Variants in SHLD2 observed in about 807,000 individuals in gnomAD.
The protein encoded by SHLD2 is RINN1-REV7-interacting novel NHEJ regulator 2.
Under a neutral mutation model 73.2 loss-of-function variants are expected in SHLD2, and 30 were observed. The ratio of observed to expected loss-of-function variants is 0.41; its 90% CI spans 0.31 to 0.56. The LOEUF (loss-of-function observed/expected upper bound fraction) is 0.56. Among genes scored for constraint, SHLD2 ranks in the 20% least tolerant of loss-of-function variants. SHLD2 has a pLI of 0.28. For missense variants in SHLD2, 745 were observed against 1,055.9 expected (o/e 0.71, Z 4.08); for synonymous variants, 285 against 370.1 (o/e 0.77, Z 2.64).
chr10:87,180,344 T>A (rs1351394968), intron 8 of SHLD2, 41 bp downstream of exon 8: 1 of 1,586,502 alleles, frequency 6.3e-7, no homozygotes, highest in African/African-American at 1.3e-5. Flanking sequence ...AAAATAATTA[T>A]TATAGATCTG....
At chr10:87,169,627 G>A (rs561361255) in intron 4 of SHLD2, among the ~76,000 whole-genome samples, 1 of 151,340 alleles carries the variant, frequency 6.6e-6, no homozygotes, top group Non-Finnish European at 1.5e-5. Flanking sequence ...ATCTTATTTT[G>A]GTCAGCAATC....
chr10:87,183,704 A>T (rs896873685), intron 8 of SHLD2, among the ~76,000 whole-genome samples: 2 of 152,098 alleles, frequency 1.3e-5, no homozygotes, highest in African/African-American at 4.8e-5. Flanking sequence ...GCTTTTGTCA[A>T]AGTTACACTT....
chr10:87,163,885 A>C (rs1354789526), intron 4 of SHLD2, among the ~76,000 whole-genome samples: 2 of 151,054 alleles, frequency 1.3e-5, no homozygotes, highest in Admixed American at 6.6e-5. Context: ...AGATGCAGTT[A>C]CTCCCCAGTA....
intron 2 of SHLD2, among the ~76,000 whole-genome samples, chr10:87,106,833 C>T (rs752978946): frequency 4.6e-5 from 7 of 152,066 alleles, no homozygotes; most frequent in African/African-American, 1.7e-4. Context: ...TTAGAAGTTT[C>T]GTTGTCCTAC....
rs1847559236 is a variant in SHLD2, at chr10:87,170,979, A to G, written c.1963+5A>G. On this transcript the variant is annotated splice_donor_5th_base_variant and intron_variant, in intron 6 of 9. Transcript: ENST00000298786. ...CTCAACTTCAAAGGAAAAAAGGTAA[A>G]TACACCAAAAAGCATTTAACCTATT... 7.3e-7 allele frequency: 1 copy of G among 1,373,138 alleles called. No individual in the cohort carries two copies. Among genetic ancestry groups the G allele is most frequent in the Non-Finnish European group, 1.0e-6 (1 of 974,380 alleles). The allele number at this position is 1,373,138 out of a possible 1,614,324, so 85.1% of individuals were successfully genotyped here.
chr10:87,158,217 A>G (rs4933430), intron 4 of SHLD2, 62 bp downstream of exon 4: 1,064,762 of 1,516,530 alleles, frequency 0.7, 380,898 homozygotes, highest in Middle Eastern at 0.84. Flanking sequence ...ATACTAGGAA[A>G]GATTAGGGTT....
At chr10:87,184,574 T>C (rs3129423) in intron 8 of SHLD2, among the ~76,000 whole-genome samples, 85,422 of 151,712 alleles carry the variant, frequency 0.56, 24,797 homozygotes, top group Middle Eastern at 0.66. Context: ...CTTTATTCTC[T>C]ACCCATTGGC....
rs766648156 is a variant in SHLD2 at position 87,170,640 on chromosome 10, T to G, written c.1796T>G (p.Val599Gly). ...CAACCTGATGTATTAGTCCACGCAG[T>G]ACTAAGAGTTGTTGATTTCACTATA... ...HLQPDVLVHA[V>G]LRVVDFTILT... The change falls in exon 5 of 10, where the codon GTA becomes GGA. Residue 599 changes from valine to glycine, a missense_variant. By Grantham distance (109) the Val-to-Gly change is moderately radical (BLOSUM62 -3). This residue lies in a region of SHLD2 where 418 missense variants were observed against 567.8 expected (regional missense o/e 0.74). Coordinates refer to ENST00000298786, the MANE Select transcript of SHLD2 (RefSeq NM_001330112.2). 4 of 1,608,784 alleles carry G rather than the reference T, an allele frequency of 2.5e-6. No homozygotes were observed. In the South Asian group the frequency reaches 3.4e-5, roughly 13 times the overall value.
At chr10:87,136,905 A>G (rs1844837607) in intron 2 of SHLD2, among the ~76,000 whole-genome samples, 1 of 152,260 alleles carries the variant, frequency 6.6e-6, no homozygotes. Flanking sequence ...GAAGCCAGTG[A>G]TTAACTGTCA....
intron 9 of SHLD2, among the ~76,000 whole-genome samples, chr10:87,188,261 G>A (rs964765967): frequency 2.0e-5 from 3 of 152,158 alleles, no homozygotes; most frequent in African/African-American, 2.4e-5. Flanking sequence ...TGGGTCTTGT[G>A]TGGTCCTGGC....
Position 87,147,870 on chromosome 10 carries a change from C to CTT in SHLD2, c.-5-3466_-5-3465dup, listed in dbSNP as rs1187680597. ...TTTAATCCTGTAGTAGCTCCTATCA[C>CTT]TTTTTTTTTTTTTTTGAGACAGAGT... On this transcript the variant is annotated intron_variant, in intron 2 of 9. Transcript: ENST00000298786. Among the ~76,000 whole-genome samples the CTT allele has an allele frequency of 4.9e-5, 7 of 143,674 alleles. No individual in the cohort carries two copies. The East Asian group carries it at 1.0e-3, about 21-fold the overall frequency. The allele number at this position is 143,674 out of a possible 152,430, so 94.3% of individuals were successfully genotyped here.
intron 9 of SHLD2, among the ~76,000 whole-genome samples, chr10:87,189,189 T>A (rs554975073): frequency 3.9e-5 from 6 of 152,254 alleles, no homozygotes; most frequent in Non-Finnish European, 7.4e-5. Flanking sequence ...TTAGTAGATA[T>A]GGGGTTTCTC....
At chr10:87,173,737 G>T (rs1277488820) in intron 6 of SHLD2, among the ~76,000 whole-genome samples, 1 of 150,410 alleles carries the variant, frequency 6.6e-6, no homozygotes, top group African/African-American at 2.4e-5. Context: ...AAATTGAAAG[G>T]CAACCAAAAA....
At chr10:87,145,102 G>A (rs1271658821) in intron 2 of SHLD2, among the ~76,000 whole-genome samples, 2 of 146,336 alleles carry the variant, frequency 1.4e-5, no homozygotes, top group Admixed American at 1.4e-4. Context: ...CACCACGCTC[G>A]GCTAATTTTT....
chr10:87,128,600 A>C (rs1393026852), intron 2 of SHLD2, among the ~76,000 whole-genome samples: 1 of 152,106 alleles, frequency 6.6e-6, no homozygotes, highest in Non-Finnish European at 1.5e-5. Context: ...TTTTCCTCTC[A>C]CCCTTCATTA....
chr10:87,097,757 G>T (rs749091247), intron 2 of SHLD2, among the ~76,000 whole-genome samples: 1 of 151,846 alleles, frequency 6.6e-6, no homozygotes, highest in Non-Finnish European at 1.5e-5. Context: ...AATCATCATG[G>T]TTTTGTTTTG....
At chr10:87,098,086 A>G (rs938797875) in intron 2 of SHLD2, among the ~76,000 whole-genome samples, 3 of 152,190 alleles carry the variant, frequency 2.0e-5, no homozygotes, top group African/African-American at 7.2e-5. Flanking sequence ...ATTACATACA[A>G]GTTGTTAAAA....
intron 7 of SHLD2, 50 bp from the exon 8 acceptor site, chr10:87,180,019 ATTAAAG>A: frequency 7.5e-7 from 1 of 1,337,078 alleles, no homozygotes; most frequent in Non-Finnish European, 1.1e-6. Context: ...ATGTTTGTAA[ATTAAAG>A]TTATAATTTT....
intron 6 of SHLD2, among the ~76,000 whole-genome samples, chr10:87,173,089 A>C (rs1847712764): frequency 6.7e-6 from 1 of 148,950 alleles, no homozygotes; most frequent in Non-Finnish European, 1.5e-5. Context: ...CCCAGGCTGG[A>C]ATGTAGTGGC....
Sources: allele counts gnomAD v4.1 joint callset (sites outside exome capture counted in the v4.1 genomes callset), GRCh38; gene constraint gnomAD v4.1.1; regional missense constraint gnomAD v4.1.1; transcripts MANE v1.5; gene names NCBI Gene and HGNC (gene_info 2026-07-23, HGNC 2026-07-21).